Variants in OSBPL6 observed in about 807,000 individuals in gnomAD.
The protein encoded by OSBPL6 is oxysterol binding protein like 6.
OSBPL6 carries 49 observed loss-of-function variants against 125.8 expected under a neutral mutation model. The ratio of observed to expected loss-of-function variants is 0.39; its 90% CI spans 0.31 to 0.49. OSBPL6 has a LOEUF of 0.49. OSBPL6 is among the 20% of genes least tolerant of loss of function. OSBPL6 has a pLI of 0.88. For synonymous variants in OSBPL6, 394 were observed against 391.8 expected, an observed-to-expected ratio of 1.01 and a Z score of -0.07; for missense variants, 986 against 1,135.4, an observed-to-expected ratio of 0.87 and a Z score of 1.89.
chr2:178,394,532 G>T, intron 24 of OSBPL6, 97 bp downstream of exon 24: 2 of 1,396,850 alleles, frequency 1.4e-6, no homozygotes, highest in South Asian at 1.4e-5. Context: ...TGGGTAAATG[G>T]ATTTTGGTAT....
chr2:178,392,341 T>G, intron 22 of OSBPL6, 71 bp from the exon 23 acceptor site: 1 of 1,549,728 alleles, frequency 6.5e-7, no homozygotes, highest in Non-Finnish European at 8.9e-7. Flanking sequence ...TACTAAGTAC[T>G]AGGGTAAGTC....
At chr2:178,301,803 C>T (rs532939236) in intron 2 of OSBPL6, among the ~76,000 whole-genome samples, 1 of 152,162 alleles carries the variant, frequency 6.6e-6, no homozygotes, top group Non-Finnish European at 1.5e-5. Flanking sequence ...TGCCCTGCCT[C>T]TCCTGGGGGC....
At chr2:178,333,805 G>C (rs1689434717) in intron 8 of OSBPL6, among the ~76,000 whole-genome samples, 2 of 152,200 alleles carry the variant, frequency 1.3e-5, no homozygotes, top group African/African-American at 4.8e-5. Context: ...GTGAGCTCAA[G>C]AATGTGACAA....
chr2:178,333,007 C>CA lies in OSBPL6; in HGVS notation c.624dup (p.Pro209ThrfsTer4). 6.2e-7 allele frequency: 1 copy of CA among 1,614,120 alleles called. No homozygotes were observed. The highest frequency in any genetic ancestry group is 8.5e-7 in the Non-Finnish European group (1 of 1,180,006). The stretch of plus-strand genomic sequence containing the variant: ...CCTTCAACGTCCACAGCTGAATCCT[C>CA]ACCAGCTGCTAATGTTTCTGTAATG... On this transcript the variant is annotated frameshift_variant, in exon 8 of 25. Coordinates refer to ENST00000190611, the MANE Select transcript of OSBPL6 (RefSeq NM_032523.4). LOFTEE classifies it high-confidence loss of function.
At chr2:178,391,031 T>A in intron 21 of OSBPL6, 42 bp from the exon 22 acceptor site, 1 of 1,605,860 alleles carries the variant, frequency 6.2e-7, no homozygotes, top group Non-Finnish European at 8.5e-7. Context: ...AATGATGTTA[T>A]TAAAGCCATC....
Position 178,382,483 on chromosome 2 carries a change from G to A in OSBPL6, c.1597G>A (p.Val533Ile), listed in dbSNP as rs145894877. ...SDNISEDNTS[V>I]ADNISRQILN... ...TAATATATCTGAAGACAACACCAGT[G>A]TTGCAGACAATATTTCTCGGCAAAG... is the stretch of plus-strand genomic sequence containing the variant. Residue 533 changes from valine to isoleucine, a missense_variant, in exon 16 of 25, where the codon GTT becomes ATT. Around this residue, in one of 3 missense-constraint regions of OSBPL6, gnomAD observed 843 missense variants for 997.3 expected, o/e 0.85. Transcript: ENST00000190611. 3.1e-6 allele frequency: 5 copies of A among 1,613,954 alleles called. No homozygotes were observed. The highest frequency in any genetic ancestry group is 4.2e-6 in the Non-Finnish European group (5 of 1,180,016).
chr2:178,196,727 G>T (rs1156775918), intron 1 of OSBPL6, among the ~76,000 whole-genome samples: 3 of 152,130 alleles, frequency 2.0e-5, no homozygotes, highest in Non-Finnish European at 4.4e-5. Context: ...GAAACTGTTG[G>T]ACTAGAGAGA....
At chr2:178,383,868 T>A (rs1252972112) in intron 17 of OSBPL6, among the ~76,000 whole-genome samples, 171 bp from the exon 18 acceptor site, 5 of 152,216 alleles carry the variant, frequency 3.3e-5, no homozygotes, top group African/African-American at 4.8e-5. Context: ...TAATCTTACC[T>A]ATTTTTTTCC....
intron 4 of OSBPL6, among the ~76,000 whole-genome samples, chr2:178,324,956 C>A (rs1054412733): frequency 4.6e-5 from 7 of 152,226 alleles, no homozygotes; most frequent in Admixed American, 1.3e-4. Flanking sequence ...CTCCTTCTCA[C>A]ATCTGGCCTT....
intron 12 of OSBPL6, among the ~76,000 whole-genome samples, chr2:178,350,709 G>T (rs186823011): frequency 1.3e-5 from 2 of 152,110 alleles, no homozygotes; most frequent in Non-Finnish European, 1.5e-5. Flanking sequence ...TATTAGACTA[G>T]AGCAATATTA....
intron 3 of OSBPL6, chr2:178,320,516 G>T: frequency 9.2e-7 from 1 of 1,087,380 alleles, no homozygotes; most frequent in Non-Finnish European, 1.4e-6. Context: ...ATAATTAACT[G>T]GTTTACATAA....
chr2:178,255,333 A>C (rs2091847296), intron 1 of OSBPL6, among the ~76,000 whole-genome samples: 1 of 152,172 alleles, frequency 6.6e-6, no homozygotes, highest in Non-Finnish European at 1.5e-5. Flanking sequence ...AAAACAAACA[A>C]AAACAAAAAC....
At chr2:178,332,558 A>T in intron 6 of OSBPL6, 83 bp from the exon 7 acceptor site, 11 of 974,364 alleles carry the variant, frequency 1.1e-5, no homozygotes, top group Non-Finnish European at 1.8e-5. Context: ...TAAGTTAAAG[A>T]TTACTTTGAG....
intron 1 of OSBPL6, among the ~76,000 whole-genome samples, chr2:178,227,805 A>C (rs553297989): frequency 2.0e-5 from 3 of 152,362 alleles, no homozygotes; most frequent in East Asian, 3.9e-4. Flanking sequence ...AAGCAGTAGA[A>C]TGTTGAGTAT....
At chr2:178,316,706 G>A (rs542417126) in intron 3 of OSBPL6, among the ~76,000 whole-genome samples, 2 of 152,116 alleles carry the variant, frequency 1.3e-5, no homozygotes, top group African/African-American at 2.4e-5. Context: ...TACTTACATC[G>A]CATTTACATA....
intron 4 of OSBPL6, among the ~76,000 whole-genome samples, chr2:178,325,032 C>T (rs1189405607): frequency 1.3e-5 from 2 of 152,160 alleles, no homozygotes; most frequent in Non-Finnish European, 2.9e-5. Context: ...GTCATGGGAG[C>T]CAGTGTTCCC....
intron 1 of OSBPL6, among the ~76,000 whole-genome samples, chr2:178,242,234 C>G (rs1276817662): frequency 6.6e-6 from 1 of 152,204 alleles, no homozygotes; most frequent in Non-Finnish European, 1.5e-5. Context: ...CAGCTGAACT[C>G]TGCCTTTTAT....
intron 1 of OSBPL6, among the ~76,000 whole-genome samples, chr2:178,274,598 C>T (rs918948465): frequency 4.6e-5 from 7 of 152,082 alleles, no homozygotes; most frequent in East Asian, 1.9e-4. Flanking sequence ...GTTAGGCCTC[C>T]GGTCTTTACC....
chr2:178,197,623 TAAAC>T (rs2088980151), intron 1 of OSBPL6, among the ~76,000 whole-genome samples: 1 of 152,200 alleles, frequency 6.6e-6, no homozygotes, highest in South Asian at 2.1e-4. Context: ...ACAATCATAA[TAAAC>T]AGAACAATTA....
Sources: allele counts gnomAD v4.1 joint callset (sites outside exome capture counted in the v4.1 genomes callset), GRCh38; gene constraint gnomAD v4.1.1; regional missense constraint gnomAD v4.1.1; transcripts MANE v1.5; gene names NCBI Gene and HGNC (gene_info 2026-07-23, HGNC 2026-07-21).